Variants in GNAL observed in about 807,000 individuals in gnomAD.
GNAL encodes the protein guanine nucleotide-binding protein G(olf) subunit alpha.
In GNAL, 18 loss-of-function variants were observed where a neutral mutation model predicts 55.1. The observed-to-expected ratio is 0.33, with a 90% CI of 0.23 to 0.48. The LOEUF is 0.48. Among genes scored for constraint, GNAL ranks in the 20% least tolerant of loss-of-function variants. The probability of loss-of-function intolerance (pLI) is 0.99; values close to 1 mark genes in which losing one functional copy is unlikely to be tolerated. For missense variants in GNAL, 412 were observed against 614.1 expected (o/e 0.67, Z 3.48); for synonymous variants, 253 against 237.0 (o/e 1.07, Z -0.62).
intron 5 of GNAL, among the ~76,000 whole-genome samples, chr18:11,858,715 T>G (rs2036064139): frequency 1.3e-5 from 2 of 149,730 alleles, no homozygotes; most frequent in Non-Finnish European, 3.0e-5. Flanking sequence ...CACATTTTAT[T>G]TTCATTGCAC....
intron 1 of GNAL, among the ~76,000 whole-genome samples, chr18:11,694,043 G>A (rs1163947423): frequency 6.6e-6 from 1 of 151,772 alleles, no homozygotes; most frequent in African/African-American, 2.4e-5. Flanking sequence ...TATAGAGATG[G>A]GGTTTCACCA....
intron 4 of GNAL, among the ~76,000 whole-genome samples, chr18:11,800,209 G>A (rs1004246956): frequency 6.6e-6 from 1 of 152,114 alleles, no homozygotes; most frequent in African/African-American, 2.4e-5. Context: ...GGATGGGTGA[G>A]TGGATGGATG....
chr18:11,689,589 C>A lies in GNAL; in HGVS notation c.26C>A (p.Pro9Gln). Residue 9 changes from proline (P) to glutamine (Q), a missense_variant, in exon 1 of 12, where the codon CCG becomes CAG. By Grantham distance (76) the Pro-to-Gln change is moderately conservative. Coordinates refer to ENST00000334049, the MANE Select transcript of GNAL (RefSeq NM_182978.4). The stretch of plus-strand genomic sequence containing the variant: ...ATGGGTCTGTGCTACAGTCTGCGGC[C>A]GCTGCTTTTCGGGGGCCCAGGGGAC... MGLCYSLR[P>Q]LLFGGPGDDP... The A allele has an allele frequency of 7.5e-7, 1 of 1,333,596 alleles. No homozygotes were observed. The highest frequency in any genetic ancestry group is 2.0e-5 in the South Asian group (1 of 49,154). 82.6% of individuals were successfully genotyped at this position (1,333,596 alleles called of 1,614,324 possible).
At chr18:11,747,294 G>T in intron 1 of GNAL, 1 of 206,316 alleles carries the variant, frequency 4.8e-6, no homozygotes, top group African/African-American at 2.3e-5. Context: ...GATTCTCTGG[G>T]GAACAAAAGA....
chr18:11,830,868 T>G (rs920019928), intron 5 of GNAL, among the ~76,000 whole-genome samples: 1 of 151,904 alleles, frequency 6.6e-6, no homozygotes, highest in African/African-American at 2.4e-5. Context: ...GTGAAAGAAA[T>G]AAGACACAAA....
Position 11,751,601 on chromosome 18 carries a change from A to C in GNAL, c.377-1252A>C. On this transcript the variant is annotated intron_variant, in intron 1 of 11. Transcript: ENST00000334049. The surrounding 1 kb of genome is among the most constrained non-coding windows in gnomAD (Gnocchi z 4.5). ...GGAGCAGGGACGCGTCCGAGCCAAC[A>C]CGGGGCGCGCGCCCAGACGCACTTT... 1 of 985,318 alleles carries C rather than the reference A, an allele frequency of 1.0e-6. No homozygotes were observed. The highest frequency in any genetic ancestry group is 4.7e-5 in the South Asian group (1 of 21,278). The allele number at this position is 985,318 out of a possible 1,614,324, so 61.0% of individuals were successfully genotyped here.
chr18:11,880,607 T>C (rs1472095428), intron 11 of GNAL, among the ~76,000 whole-genome samples: 1 of 152,080 alleles, frequency 6.6e-6, no homozygotes. Flanking sequence ...AAAATAAAAT[T>C]AGCTAATTAG....
chr18:11,850,488 G>C (rs1438154290), intron 5 of GNAL, among the ~76,000 whole-genome samples: 4 of 152,188 alleles, frequency 2.6e-5, no homozygotes. Flanking sequence ...TCTTTCTAAA[G>C]AGAAAAGTGA....
At chr18:11,811,064 CCTTTA>C (rs957193361) in intron 4 of GNAL, among the ~76,000 whole-genome samples, 22 of 152,274 alleles carry the variant, frequency 1.4e-4, no homozygotes, top group African/African-American at 5.1e-4. Flanking sequence ...TCTAGAATTT[CCTTTA>C]CTTACCATGT....
Position 11,752,605 on chromosome 18 carries a change from C to T in GNAL, c.377-248C>T, listed in dbSNP as rs1568010484. On this transcript the variant is annotated intron_variant, in intron 1 of 11. Transcript: ENST00000334049. This position sits in a 1 kb window ranked among gnomAD's most constrained non-coding sequence, Gnocchi z 4.5. The stretch of plus-strand genomic sequence containing the variant: ...TAAGGCCGAGGGGCGCGCGGCGGCT[C>T]CCGGCCCCAGCGGAGCGCACAGCCA... The T allele has an allele frequency of 5.7e-6, 9 of 1,573,410 alleles. No homozygotes were observed. The highest frequency in any genetic ancestry group is 6.0e-6 in the Non-Finnish European group (7 of 1,165,392).
intron 1 of GNAL, among the ~76,000 whole-genome samples, chr18:11,709,388 G>A (rs187096774): frequency 5.4e-5 from 8 of 149,144 alleles, no homozygotes; most frequent in Admixed American, 4.7e-4. Flanking sequence ...GACTCAGTAG[G>A]TAGCTTTGGG....
At chr18:11,759,764 G>A (rs1304457399) in intron 4 of GNAL, among the ~76,000 whole-genome samples, 2 of 152,222 alleles carry the variant, frequency 1.3e-5, no homozygotes, top group Non-Finnish European at 2.9e-5. Context: ...GTGTGCTGCC[G>A]CCTCTCCTTG....
chr18:11,844,416 A>G (rs564781885), intron 5 of GNAL, among the ~76,000 whole-genome samples: 67 of 152,298 alleles, frequency 4.4e-4, no homozygotes, highest in African/African-American at 1.6e-3. Context: ...CCTGGGTGAC[A>G]AGAGCGAAAC....
At chr18:11,810,888 G>A (rs1381679207) in intron 4 of GNAL, 1 of 152,398 alleles carries the variant, frequency 6.6e-6, no homozygotes, top group African/African-American at 2.4e-5. Flanking sequence ...TGTGGGTGTG[G>A]TTGAAGCTCA....
intron 4 of GNAL, among the ~76,000 whole-genome samples, chr18:11,795,734 C>T (rs1331604781): frequency 6.6e-6 from 1 of 152,234 alleles, no homozygotes; most frequent in African/African-American, 2.4e-5. Flanking sequence ...TGCAGGACAG[C>T]AGGACTCTGC....
In GNAL at chr18:11,805,025, T is replaced by C. The variant is rs56805354; in HGVS notation, c.625-19893T>C. Among the ~76,000 whole-genome samples, 259 of 139,056 alleles carry C rather than the reference T, an allele frequency of 1.9e-3. 4 individuals carry two copies. Among genetic ancestry groups the C allele is most frequent in the African/African-American group, 5.6e-3 (206 of 36,626 alleles). The allele number at this position is 139,056 out of a possible 152,430, so 91.2% of individuals were successfully genotyped here. A position where few individuals can be genotyped will look rare whatever the true frequency, so the allele number is the denominator to read the frequency against. On this transcript the variant is annotated intron_variant, in intron 4 of 11. Transcript: ENST00000334049. The stretch of plus-strand genomic sequence containing the variant: ...GTACAGATGCAGTTTGAATGGAACA[T>C]GGAGATACTGTGTAGTGGTGAAGTA...
At chr18:11,754,323 A>AGGG (rs777265341) in intron 4 of GNAL, among the ~76,000 whole-genome samples, 1 of 151,900 alleles carries the variant, frequency 6.6e-6, no homozygotes, top group Admixed American at 6.6e-5. Flanking sequence ...AGGCTGAGGC[A>AGGG]GGGGAATTGC....
rs2036720250 is a variant in GNAL at position 11,882,457 on chromosome 18, G to T, written c.*1322G>T. 6.6e-6 allele frequency: 1 copy of T among 152,270 alleles called. No individual in the cohort carries two copies. Among genetic ancestry groups the T allele is most frequent in the South Asian group, 2.1e-4 (1 of 4,830 alleles). 9.4% of individuals were successfully genotyped at this position (152,270 alleles called of 1,614,324 possible). On this transcript the variant is annotated 3_prime_UTR_variant, in exon 12 of 12. Coordinates refer to ENST00000334049, the MANE Select transcript of GNAL (RefSeq NM_182978.4). ...AATCCCAGCACTTTGGGAGGCCGAG[G>T]CAGGCGGATCACGAGGCCAGGAGAT...
intron 5 of GNAL, among the ~76,000 whole-genome samples, chr18:11,861,963 T>TACACAC (rs56087854): frequency 0.38 from 55,590 of 147,912 alleles, 11,068 homozygotes; most frequent in East Asian, 0.58. Flanking sequence ...CACGCAGTCA[T>TACACAC]ACACACACAC....
Sources: allele counts gnomAD v4.1 joint callset (sites outside exome capture counted in the v4.1 genomes callset), GRCh38; gene constraint gnomAD v4.1.1; non-coding constraint Gnocchi (gnomAD v3.1); transcripts MANE v1.5; gene names NCBI Gene and HGNC (gene_info 2026-07-23, HGNC 2026-07-21).